KLHL3: variants seen among roughly 807,000 people sequenced by gnomAD.
The protein encoded by KLHL3 is kelch like family member 3.
A neutral mutation model predicts 70.5 loss-of-function variants in KLHL3; 19 were observed. The ratio of observed to expected loss-of-function variants is 0.27; its 90% CI spans 0.19 to 0.40. KLHL3 has a LOEUF of 0.40. Among genes scored for constraint, KLHL3 ranks in the 10% least tolerant of loss-of-function variants. The pLI, the probability that KLHL3 is intolerant of heterozygous loss-of-function variation, is 1.00. For synonymous variants in KLHL3, 258 were observed against 290.3 expected (o/e 0.89, Z 1.13); for missense variants, 512 against 771.1 (o/e 0.66, Z 3.98).
chr5:137,633,227 C>A (rs776745907), intron 12 of KLHL3, among the ~76,000 whole-genome samples: 1 of 143,344 alleles, frequency 7.0e-6, no homozygotes, highest in African/African-American at 2.7e-5. Flanking sequence ...TGCAGTGAGC[C>A]GAGATAGCGC....
At chr5:137,664,542 T>A (rs1448324674) in intron 6 of KLHL3, among the ~76,000 whole-genome samples, 1 of 151,854 alleles carries the variant, frequency 6.6e-6, no homozygotes, top group African/African-American at 2.4e-5. Context: ...CGAAAGTTGT[T>A]AAAGGCCAGG....
intron 5 of KLHL3, among the ~76,000 whole-genome samples, chr5:137,688,399 AC>A (rs1247204615): frequency 6.6e-6 from 1 of 152,162 alleles, no homozygotes; most frequent in East Asian, 1.9e-4. Context: ...GGAGGAAGTC[AC>A]CCGACAGGGA....
intron 1 of KLHL3, among the ~76,000 whole-genome samples, chr5:137,730,605 CT>C (rs1315579309): frequency 2.0e-5 from 3 of 152,164 alleles, no homozygotes; most frequent in African/African-American, 7.2e-5. Context: ...TCACAAACTG[CT>C]TTCTTTAAAA....
intron 3 of KLHL3, among the ~76,000 whole-genome samples, chr5:137,708,777 G>A (rs1752732708): frequency 6.6e-6 from 1 of 152,184 alleles, no homozygotes; most frequent in South Asian, 2.1e-4. Context: ...TGCCTGAGGA[G>A]ACATTTGCAG....
intron 11 of KLHL3, among the ~76,000 whole-genome samples, chr5:137,634,671 T>G (rs1750724891): frequency 6.6e-6 from 1 of 152,152 alleles, no homozygotes; most frequent in African/African-American, 2.4e-5. Flanking sequence ...TTCCACAACC[T>G]TGGCAGGTAG....
chr5:137,625,748 C>G lies in KLHL3; in HGVS notation c.1735+5G>C. On this transcript the variant is annotated splice_donor_5th_base_variant and intron_variant, in intron 14 of 14. Transcript: ENST00000309755. ...CGGATGGGCATGGAGATGGCACACACTGACCTGCATAGCTCCGCCCCGTGC... is the reference window on the plus strand; with the variant it reads ...CGGATGGGCATGGAGATGGCACACAGTGACCTGCATAGCTCCGCCCCGTGC... The G allele has an allele frequency of 6.2e-7, 1 of 1,614,150 alleles. No individual in the cohort carries two copies. The highest frequency in any genetic ancestry group is 8.5e-7 in the Non-Finnish European group (1 of 1,180,004).
Position 137,627,539 on chromosome 5 carries a change from G to A in KLHL3, c.1591+758C>T, listed in dbSNP as rs549994297. ...AATGGGCTTAGCAAACAGGTAATAT[G>A]AGAATAATGAAAATGGATCTGCCTG... On this transcript the variant is annotated intron_variant, in intron 13 of 14. Coordinates refer to ENST00000309755, the MANE Select transcript of KLHL3 (RefSeq NM_017415.3). Among the ~76,000 whole-genome samples, 9 of 143,594 alleles carry A rather than the reference G, an allele frequency of 6.3e-5. No homozygotes were observed. In the South Asian group the frequency reaches 2.0e-3, roughly 31 times the overall value. 94.2% of individuals were successfully genotyped at this position (143,594 alleles called of 152,430 possible).
At chr5:137,705,883 C>T in intron 3 of KLHL3, 1 of 427,274 alleles carries the variant, frequency 2.3e-6, no homozygotes, top group Non-Finnish European at 3.1e-6. Flanking sequence ...GGGAATGAGT[C>T]CTAGACATTT....
chr5:137,717,647 A>G (rs1468440327), intron 2 of KLHL3, among the ~76,000 whole-genome samples: 1 of 152,258 alleles, frequency 6.6e-6, no homozygotes, highest in African/African-American at 2.4e-5. Context: ...TAAAGAAGAG[A>G]GGTATACTGT....
chr5:137,694,387 G>T (rs1188021079), intron 4 of KLHL3, among the ~76,000 whole-genome samples: 1 of 152,108 alleles, frequency 6.6e-6, no homozygotes, highest in African/African-American at 2.4e-5. Context: ...TGAAAGTTTT[G>T]GACTATAAAT....
At chr5:137,640,740 C>CA (rs386405072) in intron 8 of KLHL3, among the ~76,000 whole-genome samples, 6 of 152,032 alleles carry the variant, frequency 3.9e-5, no homozygotes, top group South Asian at 2.1e-4. Flanking sequence ...GCCACCCCCC[C>CA]CAACTCCTGC....
intron 1 of KLHL3, among the ~76,000 whole-genome samples, chr5:137,724,722 G>T (rs1753059006): frequency 1.3e-5 from 2 of 152,140 alleles, no homozygotes; most frequent in African/African-American, 4.8e-5. Context: ...AAAGACACAG[G>T]AAGTTTGGAG....
chr5:137,625,913 A>G lies in KLHL3; in HGVS notation c.1592-17T>C. On this transcript the variant is annotated splice_polypyrimidine_tract_variant and intron_variant, in intron 13 of 14. Coordinates refer to ENST00000309755, the MANE Select transcript of KLHL3 (RefSeq NM_017415.3). The stretch of plus-strand genomic sequence containing the variant: ...CACAGACCCCTGTGAGTCAAACAAA[A>G]GCCATGGGAGACATCACAGCAGGTG... The G allele has an allele frequency of 1.9e-6, 3 of 1,614,044 alleles. No homozygotes were observed. Among genetic ancestry groups the G allele is most frequent in the South Asian group, 1.1e-5 (1 of 91,054 alleles).
chr5:137,645,900 A>G (rs148857678), intron 8 of KLHL3, among the ~76,000 whole-genome samples: 6 of 152,336 alleles, frequency 3.9e-5, no homozygotes, highest in African/African-American at 1.4e-4. Flanking sequence ...CAGCAAAGCT[A>G]GAGTAACTAA....
chr5:137,635,101 G>C (rs1410960535), intron 11 of KLHL3, among the ~76,000 whole-genome samples: 1 of 152,038 alleles, frequency 6.6e-6, no homozygotes, highest in African/African-American at 2.4e-5. Context: ...TTTCTTGATG[G>C]ACAGACACCA....
At chr5:137,628,479 A>G (rs1750540058) in intron 12 of KLHL3, 42 bp from the exon 13 acceptor site, 2 of 1,610,684 alleles carry the variant, frequency 1.2e-6, no homozygotes, top group South Asian at 1.1e-5. Flanking sequence ...TGCTGACTAC[A>G]GTAACCAGAA....
chr5:137,669,831 G>C (rs1041466740), intron 6 of KLHL3, among the ~76,000 whole-genome samples: 1 of 152,208 alleles, frequency 6.6e-6, no homozygotes, highest in Non-Finnish European at 1.5e-5. Flanking sequence ...AAATGCCTGA[G>C]TGTTTTAAAT....
At chr5:137,706,034 A>T in intron 3 of KLHL3, 1 of 985,492 alleles carries the variant, frequency 1.0e-6, no homozygotes, top group East Asian at 1.1e-4. Flanking sequence ...ACACTCTCTG[A>T]TGGGCACTCA....
At chr5:137,642,364 T>A (rs565642313) in intron 8 of KLHL3, among the ~76,000 whole-genome samples, 1 of 152,348 alleles carries the variant, frequency 6.6e-6, no homozygotes, top group Non-Finnish European at 1.5e-5. Flanking sequence ...TCAGTTTAAA[T>A]GTTATTTCCT....
Sources: gnomAD v4.1 joint callset for allele counts (sites outside exome capture counted in the v4.1 genomes callset) on GRCh38, gnomAD v4.1.1 for gene constraint, MANE v1.5 for transcripts, NCBI Gene and HGNC (gene_info 2026-07-23, HGNC 2026-07-21) for gene names.